The following SMTNL2 variants were observed in gnomAD, a reference collection of about 807,000 sequenced individuals.
SMTNL2 encodes the protein smoothelin like 2.
Under a neutral mutation model 44.1 loss-of-function variants are expected in SMTNL2, and 43 were observed. The ratio of observed to expected loss-of-function variants is 0.98; its 90% CI spans 0.76 to 1.26. The LOEUF (loss-of-function observed/expected upper bound fraction) is 1.26, where lower values mean the gene tolerates loss of function less well. Among genes scored for constraint, SMTNL2 ranks in the 50% most tolerant of loss-of-function variants. SMTNL2 has a pLI of 0.00. For missense variants in SMTNL2, 646 were observed against 670.2 expected (o/e 0.96, Z 0.40); for synonymous variants, 317 against 287.6 (o/e 1.10, Z -1.03).
intron 7 of SMTNL2, among the ~76,000 whole-genome samples, chr17:4,599,350 G>A (rs552183246): frequency 1.3e-5 from 2 of 152,308 alleles, no homozygotes; most frequent in East Asian, 3.9e-4. Flanking sequence ...AATGGGTGGT[G>A]CAGGGAGCGG....
chr17:4,588,949 G>A (rs1017914725), intron 1 of SMTNL2, among the ~76,000 whole-genome samples: 1 of 152,182 alleles, frequency 6.6e-6, no homozygotes, highest in African/African-American at 2.4e-5. Context: ...GTTGGAGGAT[G>A]GTCTCAGAAT....
chr17:4,603,643 C>A (rs901007948), intron 7 of SMTNL2, among the ~76,000 whole-genome samples: 1 of 152,076 alleles, frequency 6.6e-6, no homozygotes, highest in Admixed American at 6.5e-5. Flanking sequence ...TGTGGCACCA[C>A]TGAGGCCACC....
chr17:4,596,991 C>T lies in SMTNL2; in HGVS notation c.1107+14C>T, dbSNP rs1202036058. ...CTGGGCTACCAGGTGAGCCCCGGCT[C>T]CCCTCCGGCTGCTGGGACGCCCCAG... On this transcript the variant is annotated intron_variant, in intron 6 of 7. Coordinates refer to ENST00000389313, the MANE Select transcript of SMTNL2 (RefSeq NM_001114974.2). 7.4e-6 allele frequency: 11 copies of T among 1,489,220 alleles called. No individual in the cohort carries two copies. Among genetic ancestry groups the T allele is most frequent in the Middle Eastern group, 1.9e-4 (1 of 5,272 alleles). 92.3% of individuals were successfully genotyped at this position (1,489,220 alleles called of 1,614,324 possible). A position where few individuals can be genotyped will look rare whatever the true frequency, so the allele number is the denominator to read the frequency against.
At chr17:4,591,118 C>T (rs916671828) in intron 1 of SMTNL2, among the ~76,000 whole-genome samples, 3 of 152,218 alleles carry the variant, frequency 2.0e-5, no homozygotes, top group Non-Finnish European at 2.9e-5. Flanking sequence ...TCAGATGAAG[C>T]CTGTGTGAGG....
At position 4,586,010 on chromosome 17, in the gene SMTNL2, A is replaced by C. The variant is rs371026411; in HGVS notation, c.399+1006A>C. Among the ~76,000 whole-genome samples, 12 of 152,176 alleles carry C rather than the reference A, an allele frequency of 7.9e-5. 1 individual carries two copies. In the East Asian group the frequency reaches 1.5e-3, roughly 20 times the overall value. On this transcript the variant is annotated intron_variant, in intron 1 of 7. Coordinates refer to ENST00000389313, the MANE Select transcript of SMTNL2 (RefSeq NM_001114974.2). ...CAAACACAGTAGTTAGCCCCTTCTCAGTGGGTATCTCAGCAAGGCTTTGTG... is the reference window on the plus strand; with the variant it reads ...CAAACACAGTAGTTAGCCCCTTCTCCGTGGGTATCTCAGCAAGGCTTTGTG...
At chr17:4,596,352 C>T (rs1909811767) in intron 5 of SMTNL2, among the ~76,000 whole-genome samples, 1 of 152,246 alleles carries the variant, frequency 6.6e-6, no homozygotes, top group African/African-American at 2.4e-5. Flanking sequence ...TCCCCACTGG[C>T]CCCAAACAAC....
At chr17:4,603,994 G>A (rs1312504525) in intron 7 of SMTNL2, among the ~76,000 whole-genome samples, 16 of 152,028 alleles carry the variant, frequency 1.1e-4, no homozygotes, top group East Asian at 5.8e-4. Context: ...GCAGGCATAC[G>A]CCACCACACC....
In SMTNL2 at chr17:4,600,543, A is replaced by G. The variant is rs1185530360; in HGVS notation, c.1259+3220A>G. Reference sequence around the variant, plus strand: ...GGATGCACCAGGGACCTTTGGAGTAAAAGTGGTGTGTGCTGCCCTTCCCCA... The same window carrying G: ...GGATGCACCAGGGACCTTTGGAGTAGAAGTGGTGTGTGCTGCCCTTCCCCA... On this transcript the variant is annotated intron_variant, in intron 7 of 7. Coordinates refer to ENST00000389313, the MANE Select transcript of SMTNL2 (RefSeq NM_001114974.2). This position sits in a 1 kb window ranked among gnomAD's most constrained non-coding sequence, Gnocchi z 4.7. Among the ~76,000 whole-genome samples the G allele has an allele frequency of 6.6e-6, 1 of 152,100 alleles. No homozygotes were observed. The highest frequency in any genetic ancestry group is 1.5e-5 in the Non-Finnish European group (1 of 68,008).
intron 4 of SMTNL2, chr17:4,594,919 C>G (rs1468825752): frequency 1.6e-6 from 1 of 607,794 alleles, no homozygotes; most frequent in Non-Finnish European, 2.9e-6. Flanking sequence ...ATGTCCAGAT[C>G]GGGCCCAGCG....
rs1177175087 is a variant in SMTNL2, at chr17:4,607,470, C to T, written c.1369C>T (p.Leu457=). 1 of 1,614,190 alleles carries T rather than the reference C, an allele frequency of 6.2e-7. No homozygotes were observed. The highest frequency in any genetic ancestry group is 1.1e-5 in the South Asian group (1 of 91,086). Residue 457 remains leucine, a synonymous_variant, in exon 8 of 8, where the codon CTG becomes TTG. Transcript: ENST00000389313. This position sits in a 1 kb window ranked among gnomAD's most constrained non-coding sequence, Gnocchi z 4.7. ...CTACGTCCAGTCGCTGTACAACCAC[C>T]TGCGTCGCTTCGAGTAAAGCCCCTG... ...FTYVQSLYNH[L]RRFE
intron 5 of SMTNL2, among the ~76,000 whole-genome samples, chr17:4,596,642 C>G (rs1909826093): frequency 2.6e-5 from 4 of 152,278 alleles, no homozygotes; most frequent in African/African-American, 9.6e-5. Context: ...ACGGTCCTGC[C>G]ACATACCATC....
At chr17:4,597,743 C>T (rs144612391) in intron 7 of SMTNL2, among the ~76,000 whole-genome samples, 1 of 152,354 alleles carries the variant, frequency 6.6e-6, no homozygotes, top group Non-Finnish European at 1.5e-5. Flanking sequence ...TGGATATGAC[C>T]TGGGCCACTT....
At chr17:4,599,032 T>A (rs993189479) in intron 7 of SMTNL2, among the ~76,000 whole-genome samples, 1 of 152,200 alleles carries the variant, frequency 6.6e-6, no homozygotes, top group Non-Finnish European at 1.5e-5. Context: ...CACTTGGTAT[T>A]GTAAGTCTCG....
At chr17:4,589,026 G>C (rs573039678) in intron 1 of SMTNL2, among the ~76,000 whole-genome samples, 5 of 152,248 alleles carry the variant, frequency 3.3e-5, no homozygotes, top group African/African-American at 1.2e-4. Flanking sequence ...GCTTCTAGTC[G>C]TGGGGCAGGG....
At chr17:4,589,848 G>T (rs1909496927) in intron 1 of SMTNL2, among the ~76,000 whole-genome samples, 1 of 133,938 alleles carries the variant, frequency 7.5e-6, no homozygotes, top group African/African-American at 2.8e-5. Flanking sequence ...GATCACCCAT[G>T]ACCTCTTCTT....
chr17:4,605,448 A>T (rs776283195), intron 7 of SMTNL2, among the ~76,000 whole-genome samples: 18 of 152,230 alleles, frequency 1.2e-4, no homozygotes, highest in Non-Finnish European at 2.1e-4. Context: ...GGCATGAGCC[A>T]CTGTGCCCGG....
At position 4,595,066 on chromosome 17, in the gene SMTNL2, G is replaced by A; in HGVS notation, c.807-79G>A. The A allele has an allele frequency of 6.3e-7, 1 of 1,594,328 alleles. No homozygotes were observed. The highest frequency in any genetic ancestry group is 2.2e-5 in the East Asian group (1 of 44,742). ...GTGCAGGCTGCCTTGTCCACACTCA[G>A]TGCAATGGAGACCTTGGGGCCTGGT... On this transcript the variant is annotated intron_variant, in intron 4 of 7. Coordinates refer to ENST00000389313, the MANE Select transcript of SMTNL2 (RefSeq NM_001114974.2). This position sits in a 1 kb window ranked among gnomAD's most constrained non-coding sequence, Gnocchi z 5.1.
rs999945932 is a variant in SMTNL2, at chr17:4,607,228, C to T, written c.1260-133C>T. The T allele has an allele frequency of 7.1e-7, 1 of 1,408,416 alleles. No homozygotes were observed. Among genetic ancestry groups the T allele is most frequent in the African/African-American group, 1.4e-5 (1 of 70,366 alleles). 87.2% of individuals were successfully genotyped at this position (1,408,416 alleles called of 1,614,324 possible). On this transcript the variant is annotated intron_variant, in intron 7 of 7. Transcript: ENST00000389313. The surrounding 1 kb of genome is among the most constrained non-coding windows in gnomAD (Gnocchi z 4.7). ...GTTCTGCCAGGGTTATCTGAATTCC[C>T]CGCTGGTGGGTCCTTGGGAACCTCT...
intron 7 of SMTNL2, among the ~76,000 whole-genome samples, 179 bp downstream of exon 7, chr17:4,597,502 G>C (rs1909868782): frequency 6.6e-6 from 1 of 152,214 alleles, no homozygotes; most frequent in Non-Finnish European, 1.5e-5. Flanking sequence ...GGCCTGGAGA[G>C]GGATTTTCCC....
Sources: gnomAD v4.1 joint callset for allele counts (sites outside exome capture counted in the v4.1 genomes callset) on GRCh38, gnomAD v4.1.1 for gene constraint, Gnocchi (gnomAD v3.1) non-coding constraint, MANE v1.5 for transcripts, NCBI Gene and HGNC (gene_info 2026-07-23, HGNC 2026-07-21) for gene names.